The following MACROD2 variants were observed in gnomAD, a reference collection of about 807,000 sequenced individuals.
MACROD2 encodes the protein ADP-ribose glycohydrolase MACROD2.
MACROD2 carries 36 observed loss-of-function variants against 70.4 expected under a neutral mutation model. That is an observed-to-expected ratio of 0.51 (90% CI 0.39 to 0.68). The LOEUF is 0.68. MACROD2 is among the 30% of genes least tolerant of loss of function. The pLI, the probability that MACROD2 is intolerant of heterozygous loss-of-function variation, is 0.00. For missense variants in MACROD2, 496 were observed against 538.4 expected, an observed-to-expected ratio of 0.92 and a Z score of 0.78; for synonymous variants, 172 against 178.8, an observed-to-expected ratio of 0.96 and a Z score of 0.30.
intron 15 of MACROD2, 57 bp from the exon 16 acceptor site, chr20:16,041,144 C>T (rs766601731): frequency 1.4e-6 from 2 of 1,416,940 alleles, no homozygotes; most frequent in Non-Finnish European, 2.0e-6. Flanking sequence ...AAATGATTGG[C>T]CCTCAGGCTG....
At position 16,049,814 on chromosome 20, in the gene MACROD2, T is replaced by C. The variant is rs778087910; in HGVS notation, c.1301-16T>C. 16 of 1,613,148 alleles carry C rather than the reference T, an allele frequency of 9.9e-6. No individual in the cohort carries two copies. Among genetic ancestry groups the C allele is most frequent in the Non-Finnish European group, 5.9e-6 (7 of 1,179,454 alleles). ...TCTTATCTTTAATCTAACAAATGGCTTCTCTTTGTCTTCAGCAGGGGCACA... is the reference window on the plus strand; with the variant it reads ...TCTTATCTTTAATCTAACAAATGGCCTCTCTTTGTCTTCAGCAGGGGCACA... On this transcript the variant is annotated splice_polypyrimidine_tract_variant and intron_variant, in intron 17 of 17. Coordinates refer to ENST00000684519, the MANE Select transcript of MACROD2 (RefSeq NM_001351661.2).
At chr20:15,484,162 T>C (rs1311626488) in intron 7 of MACROD2, among the ~76,000 whole-genome samples, 2 of 152,070 alleles carry the variant, frequency 1.3e-5, no homozygotes, top group African/African-American at 4.8e-5. Context: ...CAATATTCCT[T>C]CCATATCTGA....
intron 6 of MACROD2, among the ~76,000 whole-genome samples, chr20:15,318,161 T>C (rs2077834797): frequency 6.6e-6 from 1 of 152,142 alleles, no homozygotes; most frequent in Non-Finnish European, 1.5e-5. Flanking sequence ...GACATTTCTA[T>C]AGACCTTCTA....
intron 3 of MACROD2, among the ~76,000 whole-genome samples, chr20:14,419,107 T>C (rs1322221051): frequency 6.6e-6 from 1 of 152,028 alleles, no homozygotes; most frequent in African/African-American, 2.4e-5. Flanking sequence ...CAGGCTGGAG[T>C]GCAATGGCGG....
At position 14,314,760 on chromosome 20, in the gene MACROD2, CTAAATAAA is replaced by C. The variant is rs112460293; in HGVS notation, c.272-178690_272-178683del. On this transcript the variant is annotated intron_variant, in intron 3 of 17. Transcript: ENST00000684519. ...GGGCAACAAGAGTGAGACTTCGTCT[CTAAATAAA>C]TAAATAAATAAATAAATAAATAAAT... 2.3e-3 allele frequency among the ~76,000 whole-genome samples: 345 copies of C among 148,046 alleles called. 3 individuals are homozygous for C. Among genetic ancestry groups the C allele is most frequent in the African/African-American group, 8.1e-3 (328 of 40,280 alleles).
chr20:15,605,383 A>G (rs960025537), intron 8 of MACROD2, among the ~76,000 whole-genome samples: 5 of 151,180 alleles, frequency 3.3e-5, no homozygotes, highest in African/African-American at 1.2e-4. Flanking sequence ...AAAAGAGGGT[A>G]TTGATTCTCT....
chr20:14,445,796 A>G (rs34434466), intron 3 of MACROD2, among the ~76,000 whole-genome samples: 5 of 152,180 alleles, frequency 3.3e-5, no homozygotes, highest in Admixed American at 3.3e-4. Flanking sequence ...GCCGTAATAC[A>G]TAATTCTCCA....
chr20:14,893,287 G>A (rs921921352), intron 5 of MACROD2: 1 of 152,104 alleles, frequency 6.6e-6, no homozygotes, highest in Non-Finnish European at 1.5e-5. Context: ...TGGAGACCCT[G>A]CTATCAATTC....
chr20:15,424,791 T>C (rs2146346488), intron 6 of MACROD2, among the ~76,000 whole-genome samples: 1 of 152,328 alleles, frequency 6.6e-6, no homozygotes, highest in East Asian at 1.9e-4. Flanking sequence ...TGTTCTCATA[T>C]TCTAACTTAC....
chr20:15,442,328 A>C (rs6079825), intron 7 of MACROD2, among the ~76,000 whole-genome samples: 25,556 of 152,136 alleles, frequency 0.17, 2,626 homozygotes, highest in Non-Finnish European at 0.24. Context: ...TTCTAACAAA[A>C]AGACTCCGAA....
chr20:15,064,814 C>T (rs889986928), intron 5 of MACROD2, among the ~76,000 whole-genome samples: 2 of 152,174 alleles, frequency 1.3e-5, no homozygotes, highest in South Asian at 2.1e-4. Context: ...GTTGTATGCA[C>T]TTATGTCCAA....
At chr20:15,064,771 T>C (rs577240814) in intron 5 of MACROD2, among the ~76,000 whole-genome samples, 1 of 152,286 alleles carries the variant, frequency 6.6e-6, no homozygotes, top group South Asian at 2.1e-4. Context: ...TAGATTCCAT[T>C]ACACTCCGCA....
chr20:14,269,164 T>C (rs2082169329), intron 3 of MACROD2, among the ~76,000 whole-genome samples: 1 of 152,216 alleles, frequency 6.6e-6, no homozygotes, highest in East Asian at 1.9e-4. Context: ...TGGAAATTAG[T>C]GCCGACCTTC....
At chr20:14,327,130 T>A in intron 3 of MACROD2, 1 of 1,613,804 alleles carries the variant, frequency 6.2e-7, no homozygotes, top group South Asian at 1.1e-5. Context: ...ATAGGGAATT[T>A]TTGAAAGTGA....
chr20:14,738,222 T>A (rs1054319594), intron 5 of MACROD2, among the ~76,000 whole-genome samples: 3 of 152,062 alleles, frequency 2.0e-5, no homozygotes, highest in Non-Finnish European at 4.4e-5. Flanking sequence ...AGGCAAAATA[T>A]AATTAACAAA....
At chr20:15,359,789 T>C (rs2078330814) in intron 6 of MACROD2, among the ~76,000 whole-genome samples, 1 of 152,198 alleles carries the variant, frequency 6.6e-6, no homozygotes, top group Admixed American at 6.5e-5. Context: ...TATGAGAGGT[T>C]CTATGTATTC....
chr20:14,753,518 G>C (rs1381031880), intron 5 of MACROD2, among the ~76,000 whole-genome samples: 1 of 151,976 alleles, frequency 6.6e-6, no homozygotes, highest in Non-Finnish European at 1.5e-5. Context: ...ATCTAAAAAG[G>C]TTATCATTTT....
At chr20:14,052,487 G>T (rs1166635568) in intron 2 of MACROD2, among the ~76,000 whole-genome samples, 1 of 151,840 alleles carries the variant, frequency 6.6e-6, no homozygotes, top group Non-Finnish European at 1.5e-5. Context: ...ATGTTAATTG[G>T]CTATTTAACC....
At chr20:15,952,103 C>CT (rs565641971) in intron 12 of MACROD2, among the ~76,000 whole-genome samples, 4 of 151,818 alleles carry the variant, frequency 2.6e-5, no homozygotes, top group Non-Finnish European at 5.9e-5. Context: ...TAAGCTCTCT[C>CT]TTTGCCTGCC....
Sources: allele counts gnomAD v4.1 joint callset (sites outside exome capture counted in the v4.1 genomes callset), GRCh38; gene constraint gnomAD v4.1.1; transcripts MANE v1.5; gene names NCBI Gene and HGNC (gene_info 2026-07-23, HGNC 2026-07-21).